Variants in FBXO34 observed in about 807,000 individuals in gnomAD.
FBXO34 encodes F-box only protein 34.
A neutral mutation model predicts 24.5 loss-of-function variants in FBXO34; 12 were observed. The ratio of observed to expected loss-of-function variants is 0.49; its 90% confidence interval spans 0.31 to 0.79. The LOEUF (loss-of-function observed/expected upper bound fraction) is 0.79. FBXO34 is among the 30% of genes least tolerant of loss of function. The pLI is 0.04. For missense variants in FBXO34, 823 were observed against 857.7 expected (o/e 0.96, Z 0.51); for synonymous variants, 320 against 311.9 (o/e 1.03, Z -0.27).
At chr14:55,396,613 A>G in the FBXO34 span, among the ~76,000 whole-genome samples, 12,793 of 152,208 alleles carry the variant, frequency 0.084, 587 homozygotes, top group South Asian at 0.11. Context: ...GTTTGGGGAG[A>G]TGCCACAAAA....
In FBXO34 at chr14:55,323,230, T is replaced by TATTTA. The variant is rs1566555929; in HGVS notation, c.-10-27151_-10-27150insATTTA. Among the ~76,000 whole-genome samples, 7 of 42,962 alleles carry TATTTA rather than the reference T, an allele frequency of 1.6e-4. No homozygotes were observed. The South Asian group carries it at 2.3e-3, about 14-fold the overall frequency. The allele number at this position is 42,962 out of a possible 152,430, so 28.2% of individuals were successfully genotyped here. A position where few individuals can be genotyped will look rare whatever the true frequency, so the allele number is the denominator to read the frequency against. On this transcript the variant is annotated intron_variant, in intron 1 of 1. Transcript: ENST00000313833. ...AAAAAAAAAAAAAAATATATATTTT[T>TATTTA]TTTTTTTTTTTTTTTTTTAGAGACA... is the stretch of plus-strand genomic sequence containing the variant.
the FBXO34 span, among the ~76,000 whole-genome samples, chr14:55,389,811 A>C: frequency 6.6e-6 from 1 of 152,264 alleles, no homozygotes; most frequent in African/African-American, 2.4e-5. Context: ...TTAGGATTAG[A>C]AACGAGTATT....
the FBXO34 span, chr14:55,411,909 G>T: frequency 1.6e-6 from 2 of 1,283,486 alleles, no homozygotes; most frequent in Non-Finnish European, 2.1e-6. Context: ...GGGGAAGGGG[G>T]GCTGGGATGC....
At chr14:55,313,515 C>T (rs1882821170) in intron 1 of FBXO34, among the ~76,000 whole-genome samples, 1 of 152,148 alleles carries the variant, frequency 6.6e-6, no homozygotes, top group Non-Finnish European at 1.5e-5. Flanking sequence ...TATCAATTTA[C>T]TGTATTAGTC....
chr14:55,281,758 C>T (rs17128371), intron 1 of FBXO34, among the ~76,000 whole-genome samples: 253 of 152,310 alleles, frequency 1.7e-3, no homozygotes, highest in African/African-American at 5.8e-3. Context: ...CCACTCAGCA[C>T]GTTGGCATTT....
intron 1 of FBXO34, among the ~76,000 whole-genome samples, chr14:55,276,625 T>G (rs1881352832): frequency 6.6e-6 from 1 of 151,794 alleles, no homozygotes; most frequent in Admixed American, 6.6e-5. Context: ...CTTTTATATC[T>G]TGGTTGAGGA....
chr14:55,434,384 A>T, the FBXO34 span, among the ~76,000 whole-genome samples: 2 of 152,182 alleles, frequency 1.3e-5, no homozygotes, highest in Non-Finnish European at 2.9e-5. Context: ...TGGACGTGTC[A>T]TCAAATGGCC....
chr14:55,321,158 T>C (rs1211361686), intron 1 of FBXO34, among the ~76,000 whole-genome samples: 1 of 132,148 alleles, frequency 7.6e-6, no homozygotes, highest in Non-Finnish European at 1.7e-5. Context: ...AAGGCTGATA[T>C]GGGCGGTTTT....
chr14:55,289,931 T>A (rs1279327020), intron 1 of FBXO34, among the ~76,000 whole-genome samples: 1 of 152,208 alleles, frequency 6.6e-6, no homozygotes, highest in African/African-American at 2.4e-5. Context: ...CAGTAGTTTT[T>A]AAATTCTTTA....
the FBXO34 span, chr14:55,382,209 C>G: frequency 1.2e-6 from 2 of 1,611,650 alleles, no homozygotes; most frequent in Non-Finnish European, 1.7e-6. Context: ...TAGGAAGACA[C>G]ACACGGATTT....
the FBXO34 span, among the ~76,000 whole-genome samples, chr14:55,410,819 T>C: frequency 2.6e-5 from 4 of 152,152 alleles, no homozygotes; most frequent in East Asian, 7.7e-4. Flanking sequence ...CTTACTATCA[T>C]TGACTATCAT....
the FBXO34 span, chr14:55,377,923 T>G: frequency 1.3e-6 from 2 of 1,594,074 alleles, no homozygotes; most frequent in South Asian, 2.3e-5. Flanking sequence ...AATTAAAGAA[T>G]TGGTTAATAT....
the FBXO34 span, among the ~76,000 whole-genome samples, chr14:55,385,307 C>G: frequency 6.6e-6 from 1 of 151,940 alleles, no homozygotes; most frequent in South Asian, 2.1e-4. Context: ...TTGTTTGTTT[C>G]TTTGAGACAG....
At chr14:55,337,904 T>C (rs1487605914) in intron 1 of FBXO34, among the ~76,000 whole-genome samples, 1 of 152,154 alleles carries the variant, frequency 6.6e-6, no homozygotes, top group Non-Finnish European at 1.5e-5. Flanking sequence ...CATTGCATAG[T>C]GTAGTGGTAA....
chr14:55,308,895 T>C (rs1882641644), intron 1 of FBXO34, among the ~76,000 whole-genome samples: 1 of 152,224 alleles, frequency 6.6e-6, no homozygotes. Context: ...TTCTAACCAC[T>C]GCAGTACTAC....
At chr14:55,329,318 T>G in intron 1 of FBXO34, among the ~76,000 whole-genome samples, 1 of 151,974 alleles carries the variant, frequency 6.6e-6, no homozygotes, top group Non-Finnish European at 1.5e-5. Context: ...TGGGGAGAAT[T>G]AGTTGGTAAT....
Position 55,339,387 on chromosome 14 carries a change from C to CG in FBXO34, c.-10-10994_-10-10993insG, listed in dbSNP as rs964846502. 24 of 145,902 alleles carry CG rather than the reference C, an allele frequency of 1.6e-4. 3 individuals are homozygous for CG. Among genetic ancestry groups the CG allele is most frequent in the African/African-American group, 6.1e-4 (24 of 39,228 alleles). 9.0% of individuals were successfully genotyped at this position (145,902 alleles called of 1,614,324 possible). A position where few individuals can be genotyped will look rare whatever the true frequency, so the allele number is the denominator to read the frequency against. ...GCTCCTTTAATCACCTGCCCCCCCC[C>CG]CCAATCCTGGATCTATGCTAACCTG... is the stretch of plus-strand genomic sequence containing the variant. On this transcript the variant is annotated intron_variant, in intron 1 of 1. Transcript: ENST00000313833.
chr14:55,280,590 G>C (rs1336515957), intron 1 of FBXO34, among the ~76,000 whole-genome samples: 3 of 145,952 alleles, frequency 2.1e-5, no homozygotes, highest in African/African-American at 7.6e-5. Flanking sequence ...GCAGTGGCGC[G>C]ATCTTGGTTC....
At chr14:55,381,372 CACATT>C in the FBXO34 span, among the ~76,000 whole-genome samples, 4 of 152,158 alleles carry the variant, frequency 2.6e-5, no homozygotes, top group African/African-American at 7.2e-5. Flanking sequence ...ACTACTAAAA[CACATT>C]ACAAAGTTAT....
Sources: allele counts gnomAD v4.1 joint callset (sites outside exome capture counted in the v4.1 genomes callset), GRCh38; gene constraint gnomAD v4.1.1; transcripts MANE v1.5; gene names NCBI Gene and HGNC (gene_info 2026-07-23, HGNC 2026-07-21).